Variants in AAMDC observed in about 807,000 individuals in gnomAD.
AAMDC encodes the protein adipogenesis associated Mth938 domain containing.
Under a neutral mutation model 15.5 loss-of-function variants are expected in AAMDC, and 16 were observed. The observed-to-expected ratio is 1.03, with a 90% CI of 0.70 to 1.57. The LOEUF (loss-of-function observed/expected upper bound fraction) is 1.57. Ranked by LOEUF, AAMDC falls within the 40% of genes most tolerant of loss-of-function variation. AAMDC has a pLI of 0.00. For synonymous variants in AAMDC, 51 were observed against 51.6 expected (o/e 0.99, Z 0.05); for missense variants, 141 against 144.9 (o/e 0.97, Z 0.14).
chr11:77,904,561 A>G (rs1021382231), downstream of AAMDC, among the ~76,000 whole-genome samples: 34 of 152,226 alleles, frequency 2.2e-4, no homozygotes, highest in African/African-American at 8.0e-4. Context: ...TGGACTAACA[A>G]CTTTTTGAGT....
intron 5 of AAMDC, among the ~76,000 whole-genome samples, chr11:77,890,542 G>C (rs1241358354): frequency 6.6e-6 from 1 of 151,974 alleles, no homozygotes; most frequent in African/African-American, 2.4e-5. Context: ...TGCTTTGAAA[G>C]GGTTTTTTAG....
intron 2 of AAMDC, among the ~76,000 whole-genome samples, chr11:77,849,479 C>T (rs1055046670): frequency 6.6e-6 from 1 of 152,200 alleles, no homozygotes; most frequent in African/African-American, 2.4e-5. Flanking sequence ...CCATCTCGGC[C>T]TCTCAAAGTG....
intron 5 of AAMDC, chr11:77,878,954 G>A (rs765904872): frequency 6.2e-6 from 10 of 1,613,376 alleles, no homozygotes; most frequent in South Asian, 3.3e-5. Context: ...TTGCCTTAGC[G>A]CCGTGCAGGT....
At chr11:77,859,927 G>A (rs988240871) in intron 2 of AAMDC, among the ~76,000 whole-genome samples, 5 of 152,162 alleles carry the variant, frequency 3.3e-5, no homozygotes, top group Admixed American at 6.5e-5. Flanking sequence ...TGAGTATGCC[G>A]TTCACATCAT....
chr11:77,872,685 C>G (rs947676030), downstream of AAMDC, among the ~76,000 whole-genome samples: 1 of 152,172 alleles, frequency 6.6e-6, no homozygotes, highest in Non-Finnish European at 1.5e-5. Context: ...CCATGGCTCA[C>G]GCCTGTAATC....
At chr11:77,868,249 G>A (rs1951215420) in intron 2 of AAMDC, among the ~76,000 whole-genome samples, 1 of 150,916 alleles carries the variant, frequency 6.6e-6, no homozygotes, top group Admixed American at 6.6e-5. Context: ...TGGAGACGGG[G>A]TTTCACCGTG....
downstream of AAMDC, among the ~76,000 whole-genome samples, chr11:77,905,169 G>T (rs1403186006): frequency 6.6e-6 from 1 of 151,998 alleles, no homozygotes; most frequent in Non-Finnish European, 1.5e-5. Flanking sequence ...TACTTAAGAC[G>T]AAATGGGCTG....
intron 1 of AAMDC, among the ~76,000 whole-genome samples, chr11:77,828,868 A>G (rs1217683855): frequency 1.1e-4 from 17 of 152,164 alleles, no homozygotes; most frequent in Admixed American, 1.1e-3. Context: ...GAAATTGACA[A>G]GTTGATCCTA....
chr11:77,827,790 A>G (rs1949245990), intron 1 of AAMDC, among the ~76,000 whole-genome samples: 1 of 152,234 alleles, frequency 6.6e-6, no homozygotes. Flanking sequence ...CAAGAAAAAA[A>G]TAAAAGGCAT....
intron 5 of AAMDC, chr11:77,894,483 A>G: frequency 1.8e-6 from 1 of 542,356 alleles, no homozygotes; most frequent in South Asian, 2.5e-5. Flanking sequence ...TAAAAGTAAC[A>G]GAAGACTCCT....
At chr11:77,823,237 A>C (rs1395474193) in intron 1 of AAMDC, among the ~76,000 whole-genome samples, 1 of 149,710 alleles carries the variant, frequency 6.7e-6, no homozygotes, top group Non-Finnish European at 1.5e-5. Flanking sequence ...AAAAAAAAGA[A>C]ATTAAAATCC....
At position 77,891,947 on chromosome 11, in the gene AAMDC, G is replaced by A. The variant is rs981761346; in HGVS notation, c.329-8624G>A. ...CCTGAAGTAGGAAGAATGATGAAGT[G>A]AGAGGAGCTTGCAGTTTACGACCAA... On this transcript the variant is annotated intron_variant, in intron 5 of 5. Coordinates refer to the AAMDC transcript ENST00000304716. 3.9e-6 allele frequency: 6 copies of A among 1,558,000 alleles called. No individual in the cohort carries two copies. The Admixed American group carries it at 9.2e-5, about 24-fold the overall frequency.
At chr11:77,877,022 T>C (rs1951615224), downstream of AAMDC, 2 of 703,044 alleles carry the variant, frequency 2.8e-6, no homozygotes, top group Admixed American at 2.0e-5. Flanking sequence ...TACAGCTTCA[T>C]GGCACATCCT....
chr11:77,860,944 G>A lies in AAMDC; in HGVS notation c.133-8778G>A, dbSNP rs113563139. 9.1e-4 allele frequency among the ~76,000 whole-genome samples: 139 copies of A among 152,214 alleles called. 2 individuals carry two copies. The highest frequency in any genetic ancestry group is 3.3e-3 in the African/African-American group (135 of 41,530). ...GTTGGGTTTCTATACCCCTAAAATT[G>A]GAGTATTGCAGGGGCTATTGCATGG... On this transcript the variant is annotated intron_variant, in intron 2 of 3. Coordinates refer to ENST00000393427, the MANE Select transcript of AAMDC (RefSeq NM_024684.4).
intron 2 of AAMDC, 49 bp from the exon 3 acceptor site, chr11:77,869,673 A>G (rs1403988024): frequency 6.5e-7 from 1 of 1,539,066 alleles, no homozygotes; most frequent in East Asian, 2.3e-5. Flanking sequence ...GCCTATTGCA[A>G]TGAAAGATTG....
chr11:77,894,713 G>T (rs1952436141), intron 5 of AAMDC, among the ~76,000 whole-genome samples: 1 of 152,138 alleles, frequency 6.6e-6, no homozygotes, highest in Non-Finnish European at 1.5e-5. Context: ...AGCTAGTATG[G>T]TCTCTATACC....
At chr11:77,876,928 G>A (rs1423914883), downstream of AAMDC, 1 of 702,616 alleles carries the variant, frequency 1.4e-6, no homozygotes, top group Non-Finnish European at 2.6e-6. Flanking sequence ...CAGCAGCCAT[G>A]GTTCTTCATG....
chr11:77,853,258 T>C (rs189686338), intron 2 of AAMDC, among the ~76,000 whole-genome samples: 36 of 152,338 alleles, frequency 2.4e-4, no homozygotes, highest in African/African-American at 8.4e-4. Context: ...TATAAAGAAC[T>C]ACCTGAGACT....
At chr11:77,825,848 C>T (rs1053245569) in intron 1 of AAMDC, among the ~76,000 whole-genome samples, 7 of 152,058 alleles carry the variant, frequency 4.6e-5, no homozygotes, top group South Asian at 2.1e-4. Context: ...AGTGCCACTA[C>T]ATCCGGCTAA....
Sources: allele counts gnomAD v4.1 joint callset (sites outside exome capture counted in the v4.1 genomes callset), GRCh38; gene constraint gnomAD v4.1.1; transcripts MANE v1.5; gene names NCBI Gene and HGNC (gene_info 2026-07-23, HGNC 2026-07-21).